The following LRRC59 variants were observed in gnomAD, a reference collection of about 807,000 sequenced individuals.
LRRC59 encodes the protein leucine rich repeat containing 59, also known as leucine-rich repeat-containing protein 59.
In LRRC59, 18 loss-of-function variants were observed where a neutral mutation model predicts 33.5. The ratio of observed to expected loss-of-function variants is 0.54; its 90% confidence interval spans 0.37 to 0.80. The LOEUF (loss-of-function observed/expected upper bound fraction) is 0.80, where lower values mean the gene tolerates loss of function less well. Among genes scored for constraint, LRRC59 ranks in the 30% least tolerant of loss-of-function variants. The pLI, the probability that LRRC59 is intolerant of heterozygous loss-of-function variation, is 0.00. For synonymous variants in LRRC59, 138 were observed against 160.0 expected (o/e 0.86, Z 1.04); for missense variants, 330 against 391.9 (o/e 0.84, Z 1.33).
At chr17:50,385,560 T>A (rs1290152257) in intron 5 of LRRC59, among the ~76,000 whole-genome samples, 1 of 152,162 alleles carries the variant, frequency 6.6e-6, no homozygotes, top group Non-Finnish European at 1.5e-5. Flanking sequence ...AAGGAGGACC[T>A]AAGAAAGGCA....
intron 4 of LRRC59, among the ~76,000 whole-genome samples, chr17:50,388,896 TAA>T (rs1299733570): frequency 6.6e-6 from 1 of 152,168 alleles, no homozygotes; most frequent in Non-Finnish European, 1.5e-5. Flanking sequence ...GGCTTGGTCA[TAA>T]GATGGCAGAT....
At chr17:50,396,317 G>C (rs763953493) in intron 1 of LRRC59, 1 of 152,218 alleles carries the variant, frequency 6.6e-6, no homozygotes, top group Non-Finnish European at 1.5e-5. Flanking sequence ...TATAGATGAG[G>C]AGATCTAGGC....
At chr17:50,389,971 G>A (rs1327105419) in intron 4 of LRRC59, among the ~76,000 whole-genome samples, 2 of 151,944 alleles carry the variant, frequency 1.3e-5, no homozygotes, top group East Asian at 1.9e-4. Context: ...GGTGGTGTGC[G>A]CCTGTAATCC....
intron 5 of LRRC59, 148 bp downstream of exon 5, chr17:50,387,912 G>C: frequency 1.3e-6 from 1 of 756,582 alleles, no homozygotes; most frequent in Non-Finnish European, 2.3e-6. Context: ...ATCAGATAAA[G>C]ACGATACCAT....
chr17:50,383,267 T>G, intron 6 of LRRC59, 32 bp from the exon 7 acceptor site: 1 of 1,545,336 alleles, frequency 6.5e-7, no homozygotes, highest in African/African-American at 1.4e-5. Flanking sequence ...ACAAAGCAAG[T>G]TCAGTCAGAG....
At chr17:50,388,744 A>T (rs1277736314) in intron 4 of LRRC59, among the ~76,000 whole-genome samples, 1 of 152,210 alleles carries the variant, frequency 6.6e-6, no homozygotes, top group African/African-American at 2.4e-5. Context: ...GCATGATTCC[A>T]TATGACCCTC....
chr17:50,383,180 G>C lies in LRRC59; in HGVS notation c.732C>G (p.Ser244=), dbSNP rs776897782. 9.0e-6 allele frequency: 14 copies of C among 1,563,774 alleles called. No homozygotes were observed. Among genetic ancestry groups the C allele is most frequent in the Non-Finnish European group, 1.2e-5 (14 of 1,153,954 alleles). ...GCAGCAGCAGCTTCAGCACAGCCCA[G>C]GAACGAGTGTGCTTCCGGGGTGGTG... The part of the protein sequence containing the change: ...RKPPPRKHTR[S]WAVLKLLLLL... The change falls in exon 7 of 7, where the codon TCC becomes TCG. Residue 244 remains serine, a synonymous_variant. Coordinates refer to ENST00000225972, the MANE Select transcript of LRRC59 (RefSeq NM_018509.4).
rs1384606624 is a variant in LRRC59 at position 50,392,513 on chromosome 17, G to A, written c.325-11C>T. Reference sequence around the variant, plus strand: ...CAACCACTTCAGGTTCTAAAGAGATGGGCGATGGGCAAAGAGGCTCATTAA... The same window carrying A: ...CAACCACTTCAGGTTCTAAAGAGATAGGCGATGGGCAAAGAGGCTCATTAA... On this transcript the variant is annotated splice_polypyrimidine_tract_variant and intron_variant, in intron 3 of 6. Transcript: ENST00000225972. 2.5e-6 allele frequency: 4 copies of A among 1,602,726 alleles called. No individual in the cohort carries two copies. The highest frequency in any genetic ancestry group is 1.3e-5 in the African/African-American group (1 of 74,708).
rs191209453 is a variant in LRRC59 at position 50,388,171 on chromosome 17, C to A, written c.430-39G>T. 1.4e-4 allele frequency: 226 copies of A among 1,580,594 alleles called. No homozygotes were observed. In the African/African-American group the frequency reaches 2.1e-3, roughly 15 times the overall value. ...GGAGGAAAGTAGTGCTCTTCATAGT[C>A]ATGTTTGCTCAGGGAAGTCTCAAAA... On this transcript the variant is annotated intron_variant, in intron 4 of 6. Coordinates refer to ENST00000225972, the MANE Select transcript of LRRC59 (RefSeq NM_018509.4).
At chr17:50,384,903 GA>G (rs1913964266) in intron 6 of LRRC59, among the ~76,000 whole-genome samples, 1 of 152,154 alleles carries the variant, frequency 6.6e-6, no homozygotes, top group Non-Finnish European at 1.5e-5. Flanking sequence ...CACCTGCACA[GA>G]AGTATGTGGG....
At chr17:50,389,759 T>C (rs1914096704) in intron 4 of LRRC59, among the ~76,000 whole-genome samples, 1 of 152,038 alleles carries the variant, frequency 6.6e-6, no homozygotes, top group Admixed American at 6.6e-5. Flanking sequence ...ACACCCATCA[T>C]AAGAAGTATT....
chr17:50,387,980 G>C (rs1914050833), intron 5 of LRRC59, 80 bp downstream of exon 5: 5 of 1,405,932 alleles, frequency 3.6e-6, no homozygotes, highest in Non-Finnish European at 5.0e-6. Flanking sequence ...TACTCTACTG[G>C]ATCCCAGCTC....
rs1444388953 is a variant in LRRC59, at chr17:50,394,937, T to C, written c.157A>G (p.Thr53Ala). The C allele has an allele frequency of 1.3e-6, 2 of 1,569,034 alleles. No homozygotes were observed. The highest frequency in any genetic ancestry group is 2.3e-5 in the East Asian group (1 of 42,772). ...CTGCATGCCAATCTTACCGGTAGAG[T>C]AGTCAGTTTATTACAAGACAGATCC... The part of the protein sequence containing the change: ...ILDLSCNKLT[T>A]LPSDFCGLTH... Residue 53 changes from threonine to alanine, a missense_variant, in exon 2 of 7, where the codon ACT becomes GCT. Coordinates refer to ENST00000225972, the MANE Select transcript of LRRC59 (RefSeq NM_018509.4).
chr17:50,397,294 G>A lies in LRRC59; in HGVS notation c.24C>T (p.Gly8=). The part of the protein sequence containing the change: MTKAGSK[G]GNLRDKLDGN... ...CGTCCAGCTTGTCGCGGAGGTTCCC[G>A]CCCTTGCTACCGGCCTTGGTCATGG... The change falls in exon 1 of 7, where the codon GGC becomes GGT. Residue 8 remains glycine, a synonymous_variant. Transcript: ENST00000225972. 2.5e-6 allele frequency: 4 copies of A among 1,609,068 alleles called. No individual in the cohort carries two copies. The highest frequency in any genetic ancestry group is 2.3e-5 in the East Asian group (1 of 44,130).
chr17:50,388,666 G>GA (rs1374513083), intron 4 of LRRC59, among the ~76,000 whole-genome samples: 1 of 152,176 alleles, frequency 6.6e-6, no homozygotes, highest in African/African-American at 2.4e-5. Context: ...AAAACTGTCA[G>GA]AAAAAAGTGA....
At chr17:50,390,931 A>G (rs1914130596) in intron 4 of LRRC59, among the ~76,000 whole-genome samples, 1 of 152,228 alleles carries the variant, frequency 6.6e-6, no homozygotes, top group Non-Finnish European at 1.5e-5. Context: ...CTTTGTACTC[A>G]ATCAAAATTA....
At chr17:50,391,134 AG>A (rs1436120131) in intron 4 of LRRC59, among the ~76,000 whole-genome samples, 2 of 152,236 alleles carry the variant, frequency 1.3e-5, no homozygotes, top group Admixed American at 6.5e-5. Context: ...ATCCAGGACA[AG>A]GAAAGAGTAA....
At chr17:50,389,734 C>T (rs1367192980) in intron 4 of LRRC59, among the ~76,000 whole-genome samples, 2 of 152,152 alleles carry the variant, frequency 1.3e-5, no homozygotes, top group Non-Finnish European at 2.9e-5. Flanking sequence ...GACACGCATA[C>T]CTCCAGACAA....
chr17:50,394,893 G>T (rs1443924839), intron 2 of LRRC59, 36 bp downstream of exon 2: 2 of 1,478,318 alleles, frequency 1.4e-6, no homozygotes, highest in South Asian at 1.2e-5. Flanking sequence ...TGCATCCAAG[G>T]CACCAGAAGG....
Sources: allele counts gnomAD v4.1 joint callset (sites outside exome capture counted in the v4.1 genomes callset), GRCh38; gene constraint gnomAD v4.1.1; transcripts MANE v1.5; gene names NCBI Gene and HGNC (gene_info 2026-07-23, HGNC 2026-07-21).